CFAP43: variants seen among roughly 807,000 people sequenced by gnomAD.
The protein encoded by CFAP43 is cilia and flagella associated protein 43.
A neutral mutation model predicts 218.9 loss-of-function variants in CFAP43; 155 were observed. That is an observed-to-expected ratio of 0.71 (90% CI 0.62 to 0.81). The LOEUF is 0.81. Among genes scored for constraint, CFAP43 ranks in the 30% least tolerant of loss-of-function variants. The pLI is 0.00. For synonymous variants in CFAP43, 645 were observed against 681.3 expected (o/e 0.95, Z 0.83); for missense variants, 1,778 against 1,954.3 (o/e 0.91, Z 1.70).
rs770541179 is a variant in CFAP43 at position 104,146,255 on chromosome 10, A to G, written c.3855+8T>C. The G allele has an allele frequency of 3.1e-6, 5 of 1,610,998 alleles. No homozygotes were observed. In the African/African-American group the frequency reaches 6.7e-5, roughly 22 times the overall value. On this transcript the variant is annotated splice_region_variant and intron_variant, in intron 30 of 37. Coordinates refer to ENST00000357060, the MANE Select transcript of CFAP43 (RefSeq NM_025145.7). ...GCATTGTTGAGTGGGTAAGACAACAACTCTCACTTTGTCTTCTGCCAGTAA... is the reference window on the plus strand; with the variant it reads ...GCATTGTTGAGTGGGTAAGACAACAGCTCTCACTTTGTCTTCTGCCAGTAA...
chr10:104,164,075 G>A lies in CFAP43; in HGVS notation c.3246+19C>T, dbSNP rs374853884. ...GTCTCCTGAGAAAGAAGGGAAAGGA[G>A]AACACAGCTAGCCAGTACCTCCTCA... is the stretch of plus-strand genomic sequence containing the variant. On this transcript the variant is annotated intron_variant, in intron 24 of 37. Transcript: ENST00000357060. The A allele has an allele frequency of 3.8e-5, 62 of 1,612,400 alleles. No homozygotes were observed. In the East Asian group the frequency reaches 1.2e-3, roughly 31 times the overall value.
Position 104,133,663 on chromosome 10 carries a change from G to T in CFAP43, c.4553C>A (p.Ala1518Asp), listed in dbSNP as rs2087303636. The T allele has an allele frequency of 1.9e-6, 3 of 1,613,114 alleles. No individual in the cohort carries two copies. The highest frequency in any genetic ancestry group is 2.5e-6 in the Non-Finnish European group (3 of 1,179,596). The change falls in exon 35 of 38, where the codon GCT (alanine) becomes GAT (aspartate). Residue 1518 changes from alanine to aspartate, a missense_variant. This residue lies in a region of CFAP43 where 211 missense variants were observed against 230.6 expected (regional missense o/e 0.91). Transcript: ENST00000357060. ...AAAAAATAGCATCTGAATATCCCAA[G>T]CCTTCTGATTTAGATCTTCCCTTTC... ...EMEREDLNQK[A>D]WDIQMLFFSR...
At position 104,147,897 on chromosome 10, in the gene CFAP43, G is replaced by T. The variant is rs74874281; in HGVS notation, c.3762C>A (p.His1254Gln). 6.3e-6 allele frequency: 10 copies of T among 1,585,244 alleles called. No individual in the cohort carries two copies. Among genetic ancestry groups the T allele is most frequent in the Non-Finnish European group, 8.6e-6 (10 of 1,167,108 alleles). The change falls in exon 29 of 38, where the codon CAC becomes CAA. Residue 1254 changes from histidine to glutamine, a missense_variant. Physicochemically the swap from His to Gln is conservative, Grantham distance 24. Transcript: ENST00000357060. ...FLNNYLTRKQ[H>Q]EKSQTSEAVR... Reference sequence around the variant, plus strand: ...TTTCAGACACTATTCTTACTTTCTCGTGCTGTTTCCTTGTAAGGTAGTTGT... The same window carrying T: ...TTTCAGACACTATTCTTACTTTCTCTTGCTGTTTCCTTGTAAGGTAGTTGT...
chr10:104,172,300 C>T (rs1339954511), intron 20 of CFAP43, 110 bp downstream of exon 20: 7 of 1,347,662 alleles, frequency 5.2e-6, no homozygotes, highest in Non-Finnish European at 4.0e-6. Context: ...TCACATTATA[C>T]TGAAAAAGGT....
At chr10:104,185,222 C>A (rs1021569529) in intron 15 of CFAP43, 76 bp from the exon 16 acceptor site, 6 of 1,564,132 alleles carry the variant, frequency 3.8e-6, no homozygotes, top group Non-Finnish European at 5.2e-6. Flanking sequence ...GGGTTATATG[C>A]CCCTTTTTTG....
At chr10:104,216,739 A>T (rs1471702190) in intron 3 of CFAP43, among the ~76,000 whole-genome samples, 1 of 152,076 alleles carries the variant, frequency 6.6e-6, no homozygotes, top group Non-Finnish European at 1.5e-5. Flanking sequence ...GAGATAGAGT[A>T]ACCAGTTGCA....
chr10:104,213,034 G>A (rs555477407), intron 4 of CFAP43, among the ~76,000 whole-genome samples: 2 of 152,274 alleles, frequency 1.3e-5, no homozygotes, highest in South Asian at 4.2e-4. Context: ...GGGAGAAAAG[G>A]GTGTGATAAA....
chr10:104,159,651 G>C (rs1297849330), intron 27 of CFAP43, among the ~76,000 whole-genome samples: 1 of 152,176 alleles, frequency 6.6e-6, no homozygotes, highest in Admixed American at 6.5e-5. Context: ...CAGTAGAGGA[G>C]TAAGGGAAAT....
intron 10 of CFAP43, 71 bp downstream of exon 10, chr10:104,196,780 CAT>C: frequency 4.0e-6 from 5 of 1,261,550 alleles, no homozygotes; most frequent in Non-Finnish European, 5.6e-6. Context: ...AGACTATTGA[CAT>C]GTGAATATGA....
chr10:104,191,778 A>AAT (rs1371902429), intron 12 of CFAP43, among the ~76,000 whole-genome samples: 1 of 106,098 alleles, frequency 9.4e-6, no homozygotes, highest in Non-Finnish European at 1.9e-5. Context: ...TTTTAAAAAA[A>AAT]ATTGTGTGTG....
At chr10:104,219,532 C>T (rs143669966) in intron 3 of CFAP43, among the ~76,000 whole-genome samples, 1 of 152,328 alleles carries the variant, frequency 6.6e-6, no homozygotes, top group East Asian at 1.9e-4. Context: ...TTTAGTAGCT[C>T]CCCACTGCCT....
chr10:104,205,694 T>A (rs2090666539), intron 7 of CFAP43, among the ~76,000 whole-genome samples: 1 of 152,218 alleles, frequency 6.6e-6, no homozygotes, highest in South Asian at 2.1e-4. Flanking sequence ...TAGGTATTTT[T>A]TCATTGCGGA....
At chr10:104,188,995 C>T (rs142703840) in intron 12 of CFAP43, among the ~76,000 whole-genome samples, 13 of 152,262 alleles carry the variant, frequency 8.5e-5, no homozygotes, top group East Asian at 3.9e-4. Context: ...CTTCCCCAGG[C>T]GGTCAGCAGA....
At chr10:104,207,221 T>G (rs2090720797) in intron 6 of CFAP43, among the ~76,000 whole-genome samples, 1 of 151,904 alleles carries the variant, frequency 6.6e-6, no homozygotes, top group Non-Finnish European at 1.5e-5. Context: ...AGAAAGGTAA[T>G]TTTCAAGATG....
intron 29 of CFAP43, among the ~76,000 whole-genome samples, chr10:104,147,407 A>G (rs766677272): frequency 4.7e-4 from 72 of 152,226 alleles, no homozygotes; most frequent in Middle Eastern, 3.4e-3. Context: ...TTGTCTTTTT[A>G]ATGAACCATA....
chr10:104,149,693 GAGT>G (rs1361568813), intron 28 of CFAP43, among the ~76,000 whole-genome samples: 1 of 152,018 alleles, frequency 6.6e-6, no homozygotes, highest in East Asian at 1.9e-4. Flanking sequence ...TGATATTACT[GAGT>G]AGTCTGTTAG....
chr10:104,167,821 T>A, intron 21 of CFAP43, 84 bp from the exon 22 acceptor site: 4 of 961,792 alleles, frequency 4.2e-6, no homozygotes, highest in Non-Finnish European at 6.2e-6. Flanking sequence ...ATGTTTTCTG[T>A]GATTAAAATT....
At chr10:104,132,233 C>T in intron 35 of CFAP43, 37 bp from the exon 36 acceptor site, 1 of 1,421,734 alleles carries the variant, frequency 7.0e-7, no homozygotes, top group East Asian at 2.3e-5. Flanking sequence ...GGATATTTTT[C>T]TCTCTTTCAA....
chr10:104,198,438 C>A (rs773449202), intron 8 of CFAP43, among the ~76,000 whole-genome samples: 49 of 150,386 alleles, frequency 3.3e-4, no homozygotes, highest in Non-Finnish European at 6.1e-4. Flanking sequence ...TGCGCCACCA[C>A]GCCCGGCTAA....
Sources: gnomAD v4.1 joint callset for allele counts (sites outside exome capture counted in the v4.1 genomes callset) on GRCh38, gnomAD v4.1.1 for gene constraint, gnomAD v4.1.1 regional missense constraint, MANE v1.5 for transcripts, NCBI Gene and HGNC (gene_info 2026-07-23, HGNC 2026-07-21) for gene names.